Variants in F8 observed in about 807,000 individuals in gnomAD.
F8 encodes the protein antihemophilic factor.
F8 carries 12 observed loss-of-function variants against 140.6 expected under a neutral mutation model. The ratio of observed to expected loss-of-function variants is 0.09; its 90% CI spans 0.05 to 0.14. F8 has a LOEUF of 0.14. Among genes scored for constraint, F8 ranks in the 10% least tolerant of loss-of-function variants. F8 has a pLI of 1.00. For missense variants in F8, 1,354 were observed against 1,720.7 expected, an observed-to-expected ratio of 0.79 and a Z score of 3.77; for synonymous variants, 585 against 614.6, an observed-to-expected ratio of 0.95 and a Z score of 0.71.
intron 24 of F8, among the ~76,000 whole-genome samples, chrX:154,861,210 C>T (rs782668417): frequency 1.8e-5 from 2 of 110,483 alleles, no homozygotes; most frequent in East Asian, 2.9e-4. Flanking sequence ...ACCTTGTGAT[C>T]GGCCCGCCTC....
At chrX:155,007,251 A>G (rs2073681316) in intron 1 of F8, among the ~76,000 whole-genome samples, 1 of 112,918 alleles carries the variant, frequency 8.9e-6, no homozygotes, top group Non-Finnish European at 1.9e-5. Flanking sequence ...AGCACAAACC[A>G]ACAACACATA....
At chrX:154,923,616 C>G (rs1339536932) in intron 14 of F8, among the ~76,000 whole-genome samples, 1 of 112,252 alleles carries the variant, frequency 8.9e-6, no homozygotes, top group Non-Finnish European at 1.9e-5. Context: ...GCGGGCGGAT[C>G]ATAAGGTCAG....
chrX:154,937,959 G>C (rs2073233336), intron 13 of F8, among the ~76,000 whole-genome samples: 1 of 111,403 alleles, frequency 9.0e-6, no homozygotes, highest in Non-Finnish European at 1.9e-5. Flanking sequence ...AGAGAGCAAA[G>C]TTGGAGGAAT....
chrX:154,894,152 T>G lies in F8; in HGVS notation c.6429+1925A>C, dbSNP rs1399491338. On this transcript the variant is annotated intron_variant, in intron 22 of 25. Coordinates refer to ENST00000360256, the MANE Select transcript of F8 (RefSeq NM_000132.4). ...GGACCAAATCAGTGTATTTCTTAAA[T>G]GTATTTGATTGATGTCTCAAGCCTC... Among the ~76,000 whole-genome samples the G allele has an allele frequency of 3.2e-5, 3 of 94,597 alleles. No individual in the cohort carries two copies. In the Admixed American group the frequency reaches 3.5e-4, roughly 11 times the overall value. The allele number at this position is 94,597 out of a possible 115,157, so 82.1% of individuals were successfully genotyped here.
chrX:154,914,988 A>G (rs1557276990), intron 14 of F8, among the ~76,000 whole-genome samples: 1 of 112,036 alleles, frequency 8.9e-6, no homozygotes, highest in Non-Finnish European at 1.9e-5. Context: ...TAATCTATAA[A>G]GGAAAGAGGT....
intron 22 of F8, among the ~76,000 whole-genome samples, chrX:154,879,566 G>A (rs2072843355): frequency 1.8e-5 from 2 of 112,159 alleles, no homozygotes; most frequent in Non-Finnish European, 1.9e-5. Context: ...TTGGCTTTAC[G>A]TTATATGATT....
chrX:154,892,581 C>T (rs1165299478), intron 22 of F8, among the ~76,000 whole-genome samples: 3 of 112,315 alleles, frequency 2.7e-5, no homozygotes, highest in African/African-American at 9.7e-5. Flanking sequence ...GCAACATAAC[C>T]TTAGAATTGC....
intron 3 of F8, among the ~76,000 whole-genome samples, chrX:154,995,904 G>T (rs1249431152): frequency 9.0e-6 from 1 of 111,137 alleles, no homozygotes. Context: ...CATTTGAACT[G>T]TGCAGTATAG....
intron 14 of F8, among the ~76,000 whole-genome samples, chrX:154,923,177 A>G (rs2073140763): frequency 8.9e-6 from 1 of 111,761 alleles, no homozygotes; most frequent in Non-Finnish European, 1.9e-5. Flanking sequence ...TTATTACAGA[A>G]GCAGTGCATA....
At chrX:154,966,336 A>G in intron 8 of F8, 90 bp downstream of exon 8, 1 of 1,110,570 alleles carries the variant, frequency 9.0e-7, no homozygotes, top group African/African-American at 1.8e-5. Flanking sequence ...CTAACCTTAA[A>G]CATGGCTTCA....
chrX:154,921,694 C>A (rs1175068195), intron 14 of F8, among the ~76,000 whole-genome samples: 1 of 111,703 alleles, frequency 9.0e-6, no homozygotes, highest in African/African-American at 3.3e-5. Context: ...GAATACTATG[C>A]AGCCCTAAAA....
intron 25 of F8, among the ~76,000 whole-genome samples, chrX:154,845,743 G>T (rs868942427): frequency 4.5e-5 from 5 of 111,597 alleles, no homozygotes; most frequent in African/African-American, 1.6e-4. Context: ...CAAAAAACCA[G>T]TTCCTGGATT....
At chrX:154,974,010 G>A (rs2073472513) in intron 6 of F8, among the ~76,000 whole-genome samples, 2 of 110,219 alleles carry the variant, frequency 1.8e-5, no homozygotes, top group Admixed American at 1.9e-4. Context: ...GTAGAGATGG[G>A]GTTTCACCAT....
At chrX:154,943,507 G>T (rs1324893481) in intron 13 of F8, among the ~76,000 whole-genome samples, 2 of 111,269 alleles carry the variant, frequency 1.8e-5, no homozygotes, top group Admixed American at 9.6e-5. Flanking sequence ...CACTGCTCAA[G>T]GAAATAAAAG....
Position 154,901,578 on chromosome X carries a change from G to A in F8, c.6116-136C>T, listed in dbSNP as rs1391589856. On this transcript the variant is annotated intron_variant, in intron 19 of 25. Transcript: ENST00000360256. ...AAATGTGCCAAGAACTGTACTCAAC[G>A]TTTTACTGTATTAGTTCATTTAATT... The A allele has an allele frequency of 4.9e-5, 27 of 549,652 alleles. No homozygotes were observed. In the East Asian group the frequency reaches 5.0e-4, roughly 10 times the overall value. 45.3% of individuals were successfully genotyped at this position (549,652 alleles called of 1,213,427 possible).
chrX:154,894,733 A>AC (rs1297849667), intron 22 of F8, among the ~76,000 whole-genome samples: 8 of 76,331 alleles, frequency 1.0e-4, no homozygotes, highest in African/African-American at 2.0e-4. Context: ...CCACCTTCCT[A>AC]CCCCCCCTCA....
At chrX:154,871,157 A>G (rs1228360530) in intron 22 of F8, among the ~76,000 whole-genome samples, 1 of 112,134 alleles carries the variant, frequency 8.9e-6, no homozygotes, top group Admixed American at 9.4e-5. Context: ...CATCTCCATC[A>G]AGCTACCACT....
intron 16 of F8, 36 bp from the exon 17 acceptor site, chrX:154,904,560 C>T: frequency 9.0e-7 from 1 of 1,104,995 alleles, no homozygotes; most frequent in East Asian, 3.0e-5. Flanking sequence ...TGAGTATAAG[C>T]TCTCTCACCT....
At chrX:154,933,479 G>A (rs1414842213) in intron 13 of F8, among the ~76,000 whole-genome samples, 2 of 111,828 alleles carry the variant, frequency 1.8e-5, no homozygotes, top group East Asian at 2.8e-4. Context: ...GCTATTATCC[G>A]ATCTTGGAAC....
Sources: allele counts gnomAD v4.1 joint callset (sites outside exome capture counted in the v4.1 genomes callset), GRCh38; gene constraint gnomAD v4.1.1; transcripts MANE v1.5; gene names NCBI Gene and HGNC (gene_info 2026-07-23, HGNC 2026-07-21).